Variants in CACNA1A observed in about 807,000 individuals in gnomAD.
The protein encoded by CACNA1A is calcium voltage-gated channel subunit alpha1 A.
In CACNA1A, 57 loss-of-function variants were observed where a neutral mutation model predicts 262.4. The observed-to-expected ratio is 0.22, with a 90% CI of 0.18 to 0.27. The LOEUF is 0.27. CACNA1A is among the 10% of genes least tolerant of loss of function. CACNA1A has a pLI of 1.00. For missense variants in CACNA1A, 2,526 were observed against 3,562.8 expected (o/e 0.71, Z 7.41); for synonymous variants, 1,431 against 1,419.3 (o/e 1.01, Z -0.18).
intron 3 of CACNA1A, among the ~76,000 whole-genome samples, chr19:13,418,310 A>G (rs576119915): frequency 6.3e-4 from 96 of 152,288 alleles, no homozygotes; most frequent in Non-Finnish European, 1.1e-3. Flanking sequence ...TCAGGCATTC[A>G]GTACAAGGTA....
Position 13,298,851 on chromosome 19 carries a change from G to T in CACNA1A, c.2782C>A (p.Pro928Thr). ...GEAERGKAGD[P>T]HRRHVHRQGG... ...TGCCGGTGCACGTGCCTCCGGTGGGGGTCCCCGGCCTTGCCTCGCTCGGCC... is the reference window on the plus strand; with the variant it reads ...TGCCGGTGCACGTGCCTCCGGTGGGTGTCCCCGGCCTTGCCTCGCTCGGCC... The change falls in exon 19 of 47, where the codon CCC becomes ACC. Residue 928 changes from proline to threonine, a missense_variant. Physicochemically the swap from Pro to Thr is conservative, Grantham distance 38. Coordinates refer to ENST00000360228, the MANE Select transcript of CACNA1A (RefSeq NM_001127222.2). 1 of 1,585,714 alleles carries T rather than the reference G, an allele frequency of 6.3e-7. No individual in the cohort carries two copies. Among genetic ancestry groups the T allele is most frequent in the East Asian group, 2.3e-5 (1 of 43,680 alleles).
intron 6 of CACNA1A, among the ~76,000 whole-genome samples, chr19:13,343,577 G>C (rs1245611154): frequency 6.6e-6 from 1 of 152,006 alleles, no homozygotes; most frequent in East Asian, 1.9e-4. Flanking sequence ...CCACATGTTA[G>C]GCCACAAAAC....
At chr19:13,493,378 A>G (rs1431737011) in intron 1 of CACNA1A, among the ~76,000 whole-genome samples, 1 of 152,194 alleles carries the variant, frequency 6.6e-6, no homozygotes, top group African/African-American at 2.4e-5. Context: ...GCATTTTAAG[A>G]TGCTGAACTG....
intron 30 of CACNA1A, among the ~76,000 whole-genome samples, chr19:13,245,864 GT>G (rs2056220690): frequency 6.6e-6 from 1 of 151,978 alleles, no homozygotes; most frequent in Non-Finnish European, 1.5e-5. Context: ...TAGAGACGGG[GT>G]TTCACCATGT....
Position 13,207,961 on chromosome 19 carries a change from G to T in CACNA1A, c.6873C>A (p.Ser2291=). The change falls in exon 47 of 47, where the codon TCC becomes TCA. Residue 2291 remains serine (S), a synonymous_variant. Transcript: ENST00000360228. The surrounding 1 kb of genome is among the most constrained non-coding windows in gnomAD (Gnocchi z 5.7). ...RGRRQLPQTP[S]TPRPHVSYSP... ...AATAGGACACGTGTGGCCGGGGGGTGGAGGGGGTCTGGGGGAGCTGGCGGC... is the reference window on the plus strand; with the variant it reads ...AATAGGACACGTGTGGCCGGGGGGTTGAGGGGGTCTGGGGGAGCTGGCGGC... The T allele has an allele frequency of 1.5e-6, 2 of 1,357,022 alleles. No homozygotes were observed. Among genetic ancestry groups the T allele is most frequent in the Non-Finnish European group, 1.9e-6 (2 of 1,058,550 alleles). 84.1% of individuals were successfully genotyped at this position (1,357,022 alleles called of 1,614,324 possible).
intron 30 of CACNA1A, among the ~76,000 whole-genome samples, chr19:13,247,951 C>T (rs760067761): frequency 9.2e-5 from 14 of 152,112 alleles, no homozygotes; most frequent in Non-Finnish European, 1.0e-4. Flanking sequence ...AATTCCCTCC[C>T]TGTGAGGTGG....
At chr19:13,278,071 G>C (rs1239997727) in intron 22 of CACNA1A, 1 of 141,964 alleles carries the variant, frequency 7.0e-6, no homozygotes, top group East Asian at 2.0e-4. Flanking sequence ...CTGGGAGACA[G>C]AGACTGTCTA....
chr19:13,280,940 CAAAA>C (rs59445149), intron 22 of CACNA1A, among the ~76,000 whole-genome samples: 1 of 82,382 alleles, frequency 1.2e-5, no homozygotes, highest in South Asian at 4.1e-4. Flanking sequence ...GACTCCATCT[CAAAA>C]AAAAAAAAAA....
At chr19:13,257,798 C>T (rs574474527) in intron 27 of CACNA1A, 14 of 303,596 alleles carry the variant, frequency 4.6e-5, no homozygotes, top group Admixed American at 1.4e-4. Flanking sequence ...AGTGCAACGG[C>T]GTGATCTTGG....
intron 3 of CACNA1A, among the ~76,000 whole-genome samples, chr19:13,447,282 C>A (rs1469351370): frequency 2.6e-5 from 4 of 152,164 alleles, no homozygotes; most frequent in Non-Finnish European, 5.9e-5. Flanking sequence ...ACCCTTAGGA[C>A]CTATCTGTTC....
chr19:13,401,513 T>C (rs2059900247), intron 3 of CACNA1A, among the ~76,000 whole-genome samples: 1 of 152,194 alleles, frequency 6.6e-6, no homozygotes, highest in Non-Finnish European at 1.5e-5. Flanking sequence ...GATTCACAAG[T>C]GGGACTGGGA....
intron 3 of CACNA1A, among the ~76,000 whole-genome samples, chr19:13,438,446 T>G (rs2060652476): frequency 6.6e-6 from 1 of 152,216 alleles, no homozygotes; most frequent in African/African-American, 2.4e-5. Flanking sequence ...GTGAACTAGC[T>G]CAGGCTAGCC....
chr19:13,450,297 C>T (rs2060892714), intron 3 of CACNA1A: 1 of 152,240 alleles, frequency 6.6e-6, no homozygotes, highest in African/African-American at 2.4e-5. Flanking sequence ...AGTCCAGCCT[C>T]AGAGCCTTTG....
chr19:13,253,226 A>C, intron 29 of CACNA1A, 125 bp from the exon 30 acceptor site: 2 of 559,520 alleles, frequency 3.6e-6, no homozygotes, highest in Middle Eastern at 4.7e-4. Flanking sequence ...GAGCAACCTC[A>C]CTGGTAGGAG....
chr19:13,313,498 T>TTA (rs1194521029), intron 11 of CACNA1A, among the ~76,000 whole-genome samples: 1 of 65,710 alleles, frequency 1.5e-5, no homozygotes, highest in African/African-American at 6.7e-5. Context: ...AGACCTTGTC[T>TTA]AAAAAAAAAA....
rs189470625 is a variant in CACNA1A at position 13,499,464 on chromosome 19, T to A, written c.293+6468A>T. On this transcript the variant is annotated intron_variant, in intron 1 of 46. Coordinates refer to ENST00000360228, the MANE Select transcript of CACNA1A (RefSeq NM_001127222.2). ...GCAGGGGGTGGTGGGGGGGGGCACT[T>A]CGCTCCCATTCCCACCCAGAAAGCC... Among the ~76,000 whole-genome samples the A allele has an allele frequency of 4.4e-3, 622 of 142,688 alleles. 4 individuals carry two copies. Among genetic ancestry groups the A allele is most frequent in the Middle Eastern group, 0.017 (5 of 286 alleles). 93.6% of individuals were successfully genotyped at this position (142,688 alleles called of 152,430 possible). A position where few individuals can be genotyped will look rare whatever the true frequency, so the allele number is the denominator to read the frequency against.
At chr19:13,338,853 T>C (rs898677091) in intron 6 of CACNA1A, among the ~76,000 whole-genome samples, 1 of 151,990 alleles carries the variant, frequency 6.6e-6, no homozygotes, top group Non-Finnish European at 1.5e-5. Context: ...ATGTTTATTC[T>C]ACTTCAATTC....
intron 4 of CACNA1A, among the ~76,000 whole-genome samples, chr19:13,370,295 T>G (rs1215193299): frequency 6.6e-6 from 1 of 152,052 alleles, no homozygotes; most frequent in Non-Finnish European, 1.5e-5. Flanking sequence ...GAGACGGGGT[T>G]TCCCCATTTT....
At chr19:13,444,188 A>T (rs570001946) in intron 3 of CACNA1A, among the ~76,000 whole-genome samples, 1 of 152,352 alleles carries the variant, frequency 6.6e-6, no homozygotes, top group South Asian at 2.1e-4. Flanking sequence ...ACTGAGAATG[A>T]CAAAAAGCAT....
Sources: allele counts gnomAD v4.1 joint callset (sites outside exome capture counted in the v4.1 genomes callset), GRCh38; gene constraint gnomAD v4.1.1; non-coding constraint Gnocchi (gnomAD v3.1); transcripts MANE v1.5; gene names NCBI Gene and HGNC (gene_info 2026-07-23, HGNC 2026-07-21).